BLTP1: variants seen among roughly 807,000 people sequenced by gnomAD.
The protein encoded by BLTP1 is fragile site-associated protein.
the BLTP1 span, chr4:122,346,371 T>A: frequency 1.4e-6 from 1 of 731,504 alleles, no homozygotes; most frequent in Non-Finnish European, 1.7e-6. Context: ...ATCAGACTGA[T>A]CTTTAGAACT....
chr4:122,349,305 G>A, the BLTP1 span: 1 of 1,611,608 alleles, frequency 6.2e-7, no homozygotes. The surrounding 1 kb of genome is among the most constrained non-coding windows in gnomAD (Gnocchi z 4.5). Context: ...TCAATGCTTT[G>A]GAGATGGTTG....
chr4:122,263,385 AT>A, the BLTP1 span: 5 of 1,463,716 alleles, frequency 3.4e-6, no homozygotes, highest in African/African-American at 1.4e-5. Context: ...TATAAATTAC[AT>A]TTTTTTGCTC....
chr4:122,198,772 T>A, the BLTP1 span, among the ~76,000 whole-genome samples: 3,580 of 152,140 alleles, frequency 0.024, 65 homozygotes, highest in Middle Eastern at 0.058. Context: ...ACAAAACTTT[T>A]TAGAGATTCA....
chr4:122,243,036 C>T, the BLTP1 span: 1 of 1,612,374 alleles, frequency 6.2e-7, no homozygotes, highest in Non-Finnish European at 8.5e-7. Flanking sequence ...CTTTGCTAGA[C>T]AGAGGCATGC....
chr4:122,246,376 C>T, the BLTP1 span: 43 of 1,273,876 alleles, frequency 3.4e-5, no homozygotes, highest in African/African-American at 9.1e-5. Context: ...CAGTTACCAA[C>T]GTGAATAATG....
At chr4:122,336,711 A>G in the BLTP1 span, 12 of 906,338 alleles carry the variant, frequency 1.3e-5, no homozygotes, top group Non-Finnish European at 1.6e-5. Flanking sequence ...AGTTTGGGGG[A>G]ATGAGCAAGA....
At chr4:122,328,108 C>T in the BLTP1 span, 2 of 1,558,488 alleles carry the variant, frequency 1.3e-6, no homozygotes, top group Non-Finnish European at 1.7e-6. Context: ...AATCAGTTTC[C>T]AGAGGAGACA....
the BLTP1 span, chr4:122,256,011 G>T: frequency 1.3e-5 from 13 of 966,270 alleles, no homozygotes; most frequent in Non-Finnish European, 1.6e-5. Context: ...GATGATTGAG[G>T]GGAGAATATA....
At chr4:122,200,127 TAAG>T in the BLTP1 span, 1 of 909,150 alleles carries the variant, frequency 1.1e-6, no homozygotes, top group Non-Finnish European at 1.3e-6. Flanking sequence ...ATATGTAAAT[TAAG>T]AGAAAAATTC....
chr4:122,174,176 ACTT>A, the BLTP1 span: 3 of 984,836 alleles, frequency 3.0e-6, no homozygotes, highest in African/African-American at 3.5e-5. Context: ...TCGACATAAA[ACTT>A]CTTTCAAACA....
chr4:122,342,594 T>C, the BLTP1 span, among the ~76,000 whole-genome samples: 2 of 152,138 alleles, frequency 1.3e-5, no homozygotes, highest in African/African-American at 2.4e-5. Flanking sequence ...GACCTCGTGA[T>C]CTGCCCACTT....
the BLTP1 span, chr4:122,356,519 T>C: frequency 8.2e-7 from 1 of 1,213,238 alleles, no homozygotes; most frequent in East Asian, 2.4e-5. Flanking sequence ...ACTCATTTCT[T>C]TACAGTTGCA....
chr4:122,328,886 A>G, the BLTP1 span: 1 of 330,210 alleles, frequency 3.0e-6, no homozygotes, highest in Non-Finnish European at 4.3e-6. Flanking sequence ...GAACTGGTCT[A>G]TTTAAACCGC....
the BLTP1 span, among the ~76,000 whole-genome samples, chr4:122,212,787 G>A: frequency 6.6e-6 from 1 of 152,080 alleles, no homozygotes. Flanking sequence ...GTGCATTAAA[G>A]GCTTTAAAGC....
the BLTP1 span, chr4:122,227,887 T>G: frequency 6.6e-6 from 1 of 151,966 alleles, no homozygotes; most frequent in East Asian, 1.9e-4. Flanking sequence ...TTTTTTTTTT[T>G]TAACTTGAAG....
the BLTP1 span, among the ~76,000 whole-genome samples, chr4:122,309,635 TGAG>T: frequency 3.9e-5 from 6 of 152,236 alleles, no homozygotes; most frequent in East Asian, 1.2e-3. Flanking sequence ...ACTACAGCAT[TGAG>T]TAGTTTTGGT....
the BLTP1 span, chr4:122,229,169 A>G: frequency 4.3e-6 from 7 of 1,610,320 alleles, no homozygotes; most frequent in East Asian, 6.7e-5. Flanking sequence ...TTTGAAATAT[A>G]CTATGATTCG....
chr4:122,263,444 A>C, the BLTP1 span: 1 of 1,589,570 alleles, frequency 6.3e-7, no homozygotes, highest in Non-Finnish European at 8.5e-7. Context: ...ATTTTCAGGA[A>C]ATACAGTAGC....
At chr4:122,337,320 T>G in the BLTP1 span, among the ~76,000 whole-genome samples, 11 of 152,154 alleles carry the variant, frequency 7.2e-5, no homozygotes, top group African/African-American at 2.7e-4. Flanking sequence ...TAAACTAGCT[T>G]ACCTTAAATG....
Sources: allele counts gnomAD v4.1 joint callset (sites outside exome capture counted in the v4.1 genomes callset), GRCh38; gene constraint gnomAD v4.1.1; non-coding constraint Gnocchi (gnomAD v3.1); transcripts MANE v1.5; gene names NCBI Gene and HGNC (gene_info 2026-07-23, HGNC 2026-07-21).